The following EFR3A variants were observed in gnomAD, a reference collection of about 807,000 sequenced individuals.
EFR3A encodes the protein EFR3 homolog A, also known as protein EFR3 homolog A.
In EFR3A, 76 loss-of-function variants were observed where a neutral mutation model predicts 104.4. The observed-to-expected ratio is 0.73, with a 90% CI of 0.60 to 0.88. The LOEUF (loss-of-function observed/expected upper bound fraction) is 0.88, where lower values mean the gene tolerates loss of function less well. Among genes scored for constraint, EFR3A ranks in the 40% least tolerant of loss-of-function variants. The pLI, the probability that EFR3A is intolerant of heterozygous loss-of-function variation, is 0.00. For missense variants in EFR3A, 985 were observed against 1,012.5 expected, an observed-to-expected ratio of 0.97 and a Z score of 0.37; for synonymous variants, 330 against 330.0, an observed-to-expected ratio of 1.00 and a Z score of 0.00.
At chr8:131,939,628 T>C (rs760284818) in intron 1 of EFR3A, among the ~76,000 whole-genome samples, 5 of 152,150 alleles carry the variant, frequency 3.3e-5, no homozygotes, top group Non-Finnish European at 7.4e-5. Flanking sequence ...GTCTGTGCCA[T>C]GCTAACAATT....
At chr8:131,930,263 A>G (rs977738129) in intron 1 of EFR3A, among the ~76,000 whole-genome samples, 2 of 152,060 alleles carry the variant, frequency 1.3e-5, no homozygotes, top group African/African-American at 4.8e-5. Context: ...TTTAGAGCCT[A>G]CTAGGTTCCT....
At chr8:131,906,028 C>T (rs1356846372) in intron 1 of EFR3A, among the ~76,000 whole-genome samples, 2 of 152,180 alleles carry the variant, frequency 1.3e-5, no homozygotes, top group African/African-American at 2.4e-5. Flanking sequence ...GACTGGAAGA[C>T]AAGTGAAATG....
chr8:131,963,225 C>G (rs1331664757), intron 8 of EFR3A, among the ~76,000 whole-genome samples: 1 of 152,062 alleles, frequency 6.6e-6, no homozygotes, highest in African/African-American at 2.4e-5. Context: ...AAGATCAGAG[C>G]AGAACTGAAG....
chr8:131,984,003 A>G (rs1820747007), intron 14 of EFR3A, 136 bp from the exon 15 acceptor site: 2 of 605,460 alleles, frequency 3.3e-6, no homozygotes, highest in Non-Finnish European at 2.5e-6. Flanking sequence ...AAATTTGACT[A>G]TCTGATCAAC....
intron 1 of EFR3A, among the ~76,000 whole-genome samples, chr8:131,931,689 A>G (rs925893975): frequency 6.6e-6 from 1 of 152,082 alleles, no homozygotes. Context: ...CTTTCTATAA[A>G]AATTGTTGCA....
At chr8:131,923,762 C>G (rs189337495) in intron 1 of EFR3A, among the ~76,000 whole-genome samples, 1 of 151,970 alleles carries the variant, frequency 6.6e-6, no homozygotes, top group Non-Finnish European at 1.5e-5. Context: ...CCTGCTTAAC[C>G]TTATTTGCCA....
rs1038155215 is a variant in EFR3A at position 132,012,889 on chromosome 8, T to C, written c.*1994T>C. 2.0e-5 allele frequency: 3 copies of C among 152,250 alleles called. No homozygotes were observed. Among genetic ancestry groups the C allele is most frequent in the African/African-American group, 7.2e-5 (3 of 41,468 alleles). The allele number at this position is 152,250 out of a possible 1,614,324, so 9.4% of individuals were successfully genotyped here. A position where few individuals can be genotyped will look rare whatever the true frequency, so the allele number is the denominator to read the frequency against. On this transcript the variant is annotated 3_prime_UTR_variant, in exon 23 of 23. Transcript: ENST00000254624. ...TGTAAAGGAAAACCATTACAATTAA[T>C]GTTTATCACACCTTTATCTTGGTCT...
chr8:131,944,487 ATGTCTC>A (rs1398699173), intron 2 of EFR3A, among the ~76,000 whole-genome samples: 22 of 152,208 alleles, frequency 1.4e-4, no homozygotes, highest in Admixed American at 7.9e-4. Flanking sequence ...TAATTGAGCT[ATGTCTC>A]TATAAAGGAA....
intron 1 of EFR3A, among the ~76,000 whole-genome samples, chr8:131,906,368 T>C (rs1816265915): frequency 6.6e-6 from 1 of 152,240 alleles, no homozygotes. Context: ...GTTGTTTTAA[T>C]GTTAAATGGT....
At chr8:131,978,723 T>A (rs1820440917) in intron 12 of EFR3A, 124 bp from the exon 13 acceptor site, 1 of 736,762 alleles carries the variant, frequency 1.4e-6, no homozygotes, top group South Asian at 3.5e-5. Context: ...TTCTTTTATG[T>A]CTTTTCTCCA....
chr8:131,947,293 C>T (rs910961168), intron 4 of EFR3A, among the ~76,000 whole-genome samples: 1 of 151,808 alleles, frequency 6.6e-6, no homozygotes, highest in Non-Finnish European at 1.5e-5. Context: ...TGCACGTGCT[C>T]GTTGACTATT....
intron 1 of EFR3A, among the ~76,000 whole-genome samples, chr8:131,913,249 A>G (rs1371192955): frequency 6.6e-6 from 1 of 151,766 alleles, no homozygotes; most frequent in African/African-American, 2.4e-5. Flanking sequence ...AGACATGTCA[A>G]AATTCTCTCA....
At position 131,979,468 on chromosome 8, in the gene EFR3A, G is replaced by T. The variant is rs993209587; in HGVS notation, c.1575+47G>T. The stretch of plus-strand genomic sequence containing the variant: ...TAAATGTGTAGTGTAAATTACAGCC[G>T]TTTGAATTGTTAGGTGGTTTTATAT... On this transcript the variant is annotated intron_variant, in intron 14 of 22. Coordinates refer to ENST00000254624, the MANE Select transcript of EFR3A (RefSeq NM_015137.6). The T allele has an allele frequency of 5.4e-6, 7 of 1,307,586 alleles. No individual in the cohort carries two copies. In the East Asian group the frequency reaches 1.3e-4, roughly 24 times the overall value. 81.0% of individuals were successfully genotyped at this position (1,307,586 alleles called of 1,614,324 possible). A position where few individuals can be genotyped will look rare whatever the true frequency, so the allele number is the denominator to read the frequency against.
At chr8:131,939,143 T>C (rs1488339424) in intron 1 of EFR3A, among the ~76,000 whole-genome samples, 2 of 152,156 alleles carry the variant, frequency 1.3e-5, no homozygotes, top group East Asian at 3.9e-4. Context: ...ACCATTGTAT[T>C]GAGTGCTTGC....
chr8:131,934,993 C>T (rs1817803336), intron 1 of EFR3A, among the ~76,000 whole-genome samples: 1 of 152,126 alleles, frequency 6.6e-6, no homozygotes, highest in Non-Finnish European at 1.5e-5. Context: ...GAGGCAGACT[C>T]TTTTAAAGGG....
chr8:131,930,359 A>G lies in EFR3A; in HGVS notation c.11-10140A>G, dbSNP rs117709158. On this transcript the variant is annotated intron_variant, in intron 1 of 22. Coordinates refer to ENST00000254624, the MANE Select transcript of EFR3A (RefSeq NM_015137.6). ...GGGAAGATAGGAACAGATGAATAGAATAGTTTATCCAAAGGTATAACCTGT... is the reference window on the plus strand; with the variant it reads ...GGGAAGATAGGAACAGATGAATAGAGTAGTTTATCCAAAGGTATAACCTGT... Among the ~76,000 whole-genome samples the G allele has an allele frequency of 6.2e-3, 944 of 152,172 alleles. 5 individuals carry two copies. The highest frequency in any genetic ancestry group is 0.013 in the Admixed American group (191 of 15,260).
At chr8:132,001,885 G>A (rs973104480) in intron 20 of EFR3A, 78 bp downstream of exon 20, 39 of 1,205,938 alleles carry the variant, frequency 3.2e-5, no homozygotes, top group Admixed American at 7.2e-5. Context: ...GACAGAATAC[G>A]TAGAGGGGAC....
Position 131,953,980 on chromosome 8 carries a change from AT to A in EFR3A, c.638+14del. The A allele has an allele frequency of 6.6e-7, 1 of 1,522,022 alleles. No homozygotes were observed. The highest frequency in any genetic ancestry group is 8.8e-7 in the Non-Finnish European group (1 of 1,131,820). 94.3% of individuals were successfully genotyped at this position (1,522,022 alleles called of 1,614,324 possible). A position where few individuals can be genotyped will look rare whatever the true frequency, so the allele number is the denominator to read the frequency against. ...AAGAAGTTGACAGGTATTTAAAAAA[AT>A]ATTAGTGTTGAGACAGTGTTACTTT... On this transcript the variant is annotated intron_variant, in intron 6 of 22. Coordinates refer to ENST00000254624, the MANE Select transcript of EFR3A (RefSeq NM_015137.6).
intron 20 of EFR3A, 96 bp from the exon 21 acceptor site, chr8:132,002,507 A>AT: frequency 1.1e-6 from 1 of 946,448 alleles, no homozygotes; most frequent in East Asian, 2.7e-5. Flanking sequence ...ATTGCCCTTA[A>AT]TTTTGGATGA....
Sources: gnomAD v4.1 joint callset for allele counts (sites outside exome capture counted in the v4.1 genomes callset) on GRCh38, gnomAD v4.1.1 for gene constraint, MANE v1.5 for transcripts, NCBI Gene and HGNC (gene_info 2026-07-23, HGNC 2026-07-21) for gene names.